Variants in CEP57L1 observed in about 807,000 individuals in gnomAD.
CEP57L1 encodes the protein centrosomal protein CEP57L1.
Under a neutral mutation model 61.0 loss-of-function variants are expected in CEP57L1, and 37 were observed. That is an observed-to-expected ratio of 0.61 (90% CI 0.47 to 0.80). The LOEUF (loss-of-function observed/expected upper bound fraction) is 0.80, where lower values mean the gene tolerates loss of function less well. CEP57L1 is among the 30% of genes least tolerant of loss of function. The probability of loss-of-function intolerance (pLI) is 0.00; values close to 1 mark genes in which losing one functional copy is unlikely to be tolerated. For synonymous variants in CEP57L1, 137 were observed against 162.3 expected, an observed-to-expected ratio of 0.84 and a Z score of 1.19; for missense variants, 422 against 524.7, an observed-to-expected ratio of 0.80 and a Z score of 1.91.
In CEP57L1 at chr6:109,169,226, C is replaced by CAAAAAAAAA. The variant is rs202070350; in HGVS notation, c.*6269_*6277dup. On this transcript the variant is annotated 3_prime_UTR_variant, in exon 11 of 11. Transcript: ENST00000517392. ...GAGCAGCAGAGTGAGGCTCCATCAG[C>CAAAAAAAAA]AAAAAAAAAAAAAAAAAAAAAGATC... is the stretch of plus-strand genomic sequence containing the variant. Among the ~76,000 whole-genome samples the CAAAAAAAAA allele has an allele frequency of 8.9e-5, 6 of 67,544 alleles. No homozygotes were observed. Among genetic ancestry groups the CAAAAAAAAA allele is most frequent in the Non-Finnish European group, 1.4e-4 (5 of 35,660 alleles). The allele number at this position is 67,544 out of a possible 152,430, so 44.3% of individuals were successfully genotyped here.
chr6:109,143,832 T>G (rs764605335), intron 1 of CEP57L1, among the ~76,000 whole-genome samples: 1 of 152,114 alleles, frequency 6.6e-6, no homozygotes, highest in Non-Finnish European at 1.5e-5. Context: ...GAAAACTAAG[T>G]CAGATTTCTT....
upstream of CEP57L1, chr6:109,095,286 C>G: frequency 1.0e-6 from 1 of 985,922 alleles, no homozygotes. Flanking sequence ...CTTCGTCACA[C>G]ATAAAACAAG....
intron 1 of CEP57L1, among the ~76,000 whole-genome samples, chr6:109,127,740 C>T (rs2114739495): frequency 6.6e-6 from 1 of 152,158 alleles, no homozygotes; most frequent in South Asian, 2.1e-4. Flanking sequence ...CCTGCCTCAG[C>T]CTCCCGAGTA....
intron 4 of CEP57L1, among the ~76,000 whole-genome samples, chr6:109,152,952 T>C (rs1772799953): frequency 6.6e-6 from 1 of 151,646 alleles, no homozygotes; most frequent in South Asian, 2.1e-4. Context: ...CTACTAAAAA[T>C]ACAAAACTTA....
At chr6:109,157,115 A>G (rs1773293206) in intron 7 of CEP57L1, 1 of 152,202 alleles carries the variant, frequency 6.6e-6, no homozygotes, top group African/African-American at 2.4e-5. Context: ...GAAATGAAGG[A>G]AAGAAAAGGT....
At chr6:109,123,287 G>A (rs982767199) in intron 1 of CEP57L1, among the ~76,000 whole-genome samples, 2 of 152,062 alleles carry the variant, frequency 1.3e-5, no homozygotes, top group Non-Finnish European at 2.9e-5. Flanking sequence ...ATTCTTGAAT[G>A]TCAAACTCAT....
chr6:109,101,623 CT>C (rs1175348573), intron 1 of CEP57L1, among the ~76,000 whole-genome samples: 186 of 139,876 alleles, frequency 1.3e-3, no homozygotes, highest in Admixed American at 2.8e-3. Context: ...TTTCTTTTTT[CT>C]TTTTTTTTTT....
intron 7 of CEP57L1, 41 bp from the exon 8 acceptor site, chr6:109,158,984 A>G: frequency 6.4e-7 from 1 of 1,570,260 alleles, no homozygotes; most frequent in Non-Finnish European, 8.6e-7. Context: ...ATAACTTTTA[A>G]AATAATTTCT....
chr6:109,114,201 A>G (rs556765680), intron 1 of CEP57L1, among the ~76,000 whole-genome samples: 1 of 152,298 alleles, frequency 6.6e-6, no homozygotes, highest in East Asian at 1.9e-4. Context: ...CTTTTTCTCC[A>G]CATCCTTGCC....
At chr6:109,144,909 C>T (rs1398557534) in intron 1 of CEP57L1, among the ~76,000 whole-genome samples, 1 of 151,944 alleles carries the variant, frequency 6.6e-6, no homozygotes. Context: ...AGTGCTCAGA[C>T]TATGATAGGT....
In CEP57L1 at chr6:109,170,813, T is replaced by C. The variant is rs995264980; in HGVS notation, c.*7843T>C. On this transcript the variant is annotated 3_prime_UTR_variant, in exon 11 of 11. Transcript: ENST00000517392. ...TAATACATGTGAGAGAATAGCACTG[T>C]TGAAATGCTTGAACACATAAAAAGC... Among the ~76,000 whole-genome samples, 2 of 152,168 alleles carry C rather than the reference T, an allele frequency of 1.3e-5. No individual in the cohort carries two copies. The highest frequency in any genetic ancestry group is 6.5e-5 in the Admixed American group (1 of 15,272).
At chr6:109,152,196 TGG>T (rs1443496678) in intron 4 of CEP57L1, among the ~76,000 whole-genome samples, 1 of 152,224 alleles carries the variant, frequency 6.6e-6, no homozygotes, top group Non-Finnish European at 1.5e-5. Context: ...TTATTTTTTT[TGG>T]AGTCAGAGTT....
At chr6:109,158,702 A>G (rs1377254066) in intron 7 of CEP57L1, 3 of 485,532 alleles carry the variant, frequency 6.2e-6, no homozygotes, top group African/African-American at 3.9e-5. Context: ...ACCATTTTGT[A>G]TTCCCACCAA....
intron 1 of CEP57L1, among the ~76,000 whole-genome samples, chr6:109,127,363 G>T (rs1038830464): frequency 6.6e-6 from 1 of 152,044 alleles, no homozygotes; most frequent in Non-Finnish European, 1.5e-5. Flanking sequence ...ATCGTCTTGT[G>T]TGAGTCTTTT....
In CEP57L1 at chr6:109,153,892, G is replaced by A. The variant is rs201720438; in HGVS notation, c.522G>A (p.Lys174=). 6.8e-5 allele frequency: 110 copies of A among 1,612,468 alleles called. No homozygotes were observed. Among genetic ancestry groups the A allele is most frequent in the Non-Finnish European group, 9.2e-5 (109 of 1,179,264 alleles). Reference sequence around the variant, plus strand: ...TGAAGCTGTATGCAAAACTTGAAAAGCTTGATGTCTTAGAAAAAGAGTGTT... The same window carrying A: ...TGAAGCTGTATGCAAAACTTGAAAAACTTGATGTCTTAGAAAAAGAGTGTT... ...DQMKLYAKLE[K]LDVLEKECFR... Residue 174 remains lysine, a synonymous_variant, in exon 5 of 11, where the codon AAG becomes AAA. Coordinates refer to ENST00000517392, the MANE Select transcript of CEP57L1 (RefSeq NM_001271852.3).
chr6:109,138,355 C>T (rs1770969648), intron 1 of CEP57L1, among the ~76,000 whole-genome samples: 1 of 151,874 alleles, frequency 6.6e-6, no homozygotes, highest in East Asian at 1.9e-4. Context: ...GCCAACTGGT[C>T]AGATATTAGA....
chr6:109,138,147 C>A (rs1770945423), intron 1 of CEP57L1, among the ~76,000 whole-genome samples: 1 of 152,166 alleles, frequency 6.6e-6, no homozygotes, highest in South Asian at 2.1e-4. Context: ...GGACCCAATT[C>A]ATATATGGCT....
intron 1 of CEP57L1, among the ~76,000 whole-genome samples, chr6:109,141,200 A>G (rs906556249): frequency 6.6e-6 from 1 of 151,848 alleles, no homozygotes; most frequent in Admixed American, 6.6e-5. Flanking sequence ...GAAGCCTTAA[A>G]TGGATTTTTT....
In CEP57L1 at chr6:109,131,292, A is replaced by G. The variant is rs187613696; in HGVS notation, c.-3-13927A>G. Among the ~76,000 whole-genome samples, 95 of 152,314 alleles carry G rather than the reference A, an allele frequency of 6.2e-4. 1 individual carries two copies. The highest frequency in any genetic ancestry group is 3.4e-3 in the Middle Eastern group (1 of 294). On this transcript the variant is annotated intron_variant, in intron 1 of 10. Transcript: ENST00000517392. Reference sequence around the variant, plus strand: ...TTTTAATGTTGAATATATAGTGCCTAAGACCTGAATTAGGTTCTGATACTT... The same window carrying G: ...TTTTAATGTTGAATATATAGTGCCTGAGACCTGAATTAGGTTCTGATACTT...
Sources: gnomAD v4.1 joint callset for allele counts (sites outside exome capture counted in the v4.1 genomes callset) on GRCh38, gnomAD v4.1.1 for gene constraint, MANE v1.5 for transcripts, NCBI Gene and HGNC (gene_info 2026-07-23, HGNC 2026-07-21) for gene names.